WDR7: variants seen among roughly 807,000 people sequenced by gnomAD.
WDR7 encodes WD repeat domain 7.
Under a neutral mutation model 169.4 loss-of-function variants are expected in WDR7, and 46 were observed. The observed-to-expected ratio is 0.27, with a 90% CI of 0.21 to 0.35. The LOEUF is 0.35. Ranked by LOEUF, WDR7 falls within the 10% of genes least tolerant of loss-of-function variation. WDR7 has a pLI of 1.00. For missense variants in WDR7, 1,534 were observed against 1,859.3 expected (o/e 0.83, Z 3.22); for synonymous variants, 612 against 666.8 (o/e 0.92, Z 1.27).
chr18:57,011,997 A>T (rs552612534), intron 26 of WDR7, among the ~76,000 whole-genome samples: 4 of 152,096 alleles, frequency 2.6e-5, no homozygotes, highest in Admixed American at 2.6e-4. Context: ...AGCTGATGGG[A>T]GGGTGAAAAC....
intron 5 of WDR7, among the ~76,000 whole-genome samples, chr18:56,685,021 A>C (rs2025417668): frequency 6.6e-6 from 1 of 152,176 alleles, no homozygotes; most frequent in Non-Finnish European, 1.5e-5. Flanking sequence ...TAAAATTTTT[A>C]TACTCCTTTT....
chr18:56,737,129 A>G (rs929432139), intron 14 of WDR7, among the ~76,000 whole-genome samples: 3 of 152,158 alleles, frequency 2.0e-5, no homozygotes, highest in Admixed American at 1.3e-4. Context: ...TTAAATCCCA[A>G]CACCACCCAG....
intron 20 of WDR7, among the ~76,000 whole-genome samples, chr18:56,865,935 A>T (rs2045877278): frequency 6.6e-6 from 1 of 152,166 alleles, no homozygotes; most frequent in Admixed American, 6.5e-5. Context: ...TTTTCTAATT[A>T]TAAATTTTGC....
chr18:56,733,449 C>T (rs1032958045), intron 14 of WDR7, among the ~76,000 whole-genome samples: 2 of 152,122 alleles, frequency 1.3e-5, no homozygotes, highest in African/African-American at 2.4e-5. Context: ...AAGAGCTTCT[C>T]AATGGTACAG....
At chr18:56,854,277 C>T (rs778516786) in intron 20 of WDR7, among the ~76,000 whole-genome samples, 1 of 152,230 alleles carries the variant, frequency 6.6e-6, no homozygotes, top group Non-Finnish European at 1.5e-5. Flanking sequence ...CCTATGACCT[C>T]CTCCTCTTCG....
chr18:56,678,502 CTTT>C (rs148069514), intron 2 of WDR7, among the ~76,000 whole-genome samples: 9 of 151,576 alleles, frequency 5.9e-5, no homozygotes, highest in East Asian at 3.9e-4. Context: ...ACACTGTGGT[CTTT>C]TTTTTTTTTG....
At chr18:56,834,217 G>T (rs1213593873) in intron 20 of WDR7, among the ~76,000 whole-genome samples, 1 of 152,192 alleles carries the variant, frequency 6.6e-6, no homozygotes, top group African/African-American at 2.4e-5. Flanking sequence ...AGGTGGAGTT[G>T]TATATAGATT....
At chr18:56,875,310 T>C (rs550096182) in intron 20 of WDR7, among the ~76,000 whole-genome samples, 1 of 152,328 alleles carries the variant, frequency 6.6e-6, no homozygotes, top group South Asian at 2.1e-4. Flanking sequence ...CCGTGTCTTC[T>C]GTTTAACATC....
rs142746306 is a variant in WDR7, at chr18:56,940,532, G to A, written c.4064+1139G>A. Among the ~76,000 whole-genome samples the A allele has an allele frequency of 7.5e-3, 1,136 of 152,242 alleles. 16 individuals carry two copies. The highest frequency in any genetic ancestry group is 0.024 in the African/African-American group (1,006 of 41,530). Reference sequence around the variant, plus strand: ...GGGTTTGGCAAATTAGAATACAGCCGTGTTTTAACATTATGCCGTGTGTTT... The same window carrying A: ...GGGTTTGGCAAATTAGAATACAGCCATGTTTTAACATTATGCCGTGTGTTT... On this transcript the variant is annotated intron_variant, in intron 25 of 27. Transcript: ENST00000254442.
intron 11 of WDR7, 116 bp from the exon 12 acceptor site, chr18:56,696,126 G>T: frequency 4.7e-6 from 4 of 852,916 alleles, no homozygotes; most frequent in Non-Finnish European, 5.4e-6. Context: ...GATAAAATTG[G>T]AAGCCTTTGC....
intron 1 of WDR7, among the ~76,000 whole-genome samples, chr18:56,655,582 C>T (rs1349772603): frequency 4.8e-5 from 7 of 146,566 alleles, no homozygotes; most frequent in African/African-American, 1.6e-4. Flanking sequence ...GATTATGCCA[C>T]TGCACTCTAG....
At chr18:56,788,830 T>C (rs1034211970) in intron 19 of WDR7, among the ~76,000 whole-genome samples, 5 of 152,196 alleles carry the variant, frequency 3.3e-5, no homozygotes, top group Non-Finnish European at 7.3e-5. Flanking sequence ...TGGAAATGAT[T>C]ATGCATTGTG....
In WDR7 at chr18:56,694,644, G is replaced by A. The variant is rs142622812; in HGVS notation, c.992G>A (p.Arg331Gln). Residue 331 changes from arginine (R) to glutamine (Q), a missense_variant, in exon 10 of 28, where the codon CGG (arginine) becomes CAG (glutamine). Arg to Gln is a conservative substitution (Grantham distance 43, BLOSUM62 1). Coordinates refer to ENST00000254442, the MANE Select transcript of WDR7 (RefSeq NM_015285.3). ...TTGCTAATTTGTCCTCCTGTTACTC[G>A]GTTCTTCTATGGATGCAGAGAATAT... ...KELLICPPVTRFFYGCREYFH... is the reference protein window; with the variant it reads ...KELLICPPVTQFFYGCREYFH... The A allele has an allele frequency of 2.0e-5, 32 of 1,609,406 alleles. No homozygotes were observed. The highest frequency in any genetic ancestry group is 2.5e-5 in the Non-Finnish European group (30 of 1,177,908).
the WDR7 span, chr18:57,036,439 G>T: frequency 6.6e-6 from 1 of 152,366 alleles, no homozygotes; most frequent in South Asian, 2.1e-4. Flanking sequence ...CTTTGCTTCA[G>T]TTTGGAACAT....
At chr18:56,795,395 T>C (rs919423611) in intron 19 of WDR7, among the ~76,000 whole-genome samples, 12 of 152,226 alleles carry the variant, frequency 7.9e-5, no homozygotes, top group Admixed American at 7.2e-4. Flanking sequence ...GTTTGTTCAC[T>C]GTTGCTTGCC....
intron 21 of WDR7, among the ~76,000 whole-genome samples, chr18:56,908,829 T>C (rs1187801487): frequency 1.3e-5 from 2 of 152,202 alleles, no homozygotes; most frequent in East Asian, 3.8e-4. Context: ...CATCATTCAA[T>C]CATTGCACTG....
chr18:56,855,225 CTT>C (rs2045700560), intron 20 of WDR7, among the ~76,000 whole-genome samples: 1 of 109,494 alleles, frequency 9.1e-6, no homozygotes. Flanking sequence ...CTGTTCAAGT[CTT>C]TTGCCTGTTT....
intron 26 of WDR7, among the ~76,000 whole-genome samples, chr18:56,983,405 G>A (rs2047672375): frequency 6.6e-6 from 1 of 152,100 alleles, no homozygotes; most frequent in South Asian, 2.1e-4. Context: ...ATGGTGACTA[G>A]ATAATATAAC....
intron 25 of WDR7, among the ~76,000 whole-genome samples, chr18:56,956,924 G>C (rs1220814655): frequency 6.6e-6 from 1 of 152,150 alleles, no homozygotes; most frequent in Non-Finnish European, 1.5e-5. Context: ...AAAAAAGTAT[G>C]AAGTTTGGTA....
Sources: gnomAD v4.1 joint callset for allele counts (sites outside exome capture counted in the v4.1 genomes callset) on GRCh38, gnomAD v4.1.1 for gene constraint, MANE v1.5 for transcripts, NCBI Gene and HGNC (gene_info 2026-07-23, HGNC 2026-07-21) for gene names.